Variants in LMTK2 observed in about 807,000 individuals in gnomAD.
LMTK2 encodes serine/threonine-protein kinase LMTK2.
A neutral mutation model predicts 127.5 loss-of-function variants in LMTK2; 37 were observed. That is an observed-to-expected ratio of 0.29 (90% CI 0.22 to 0.38). The LOEUF (loss-of-function observed/expected upper bound fraction) is 0.38. Among genes scored for constraint, LMTK2 ranks in the 10% least tolerant of loss-of-function variants. The probability of loss-of-function intolerance (pLI) is 1.00; values close to 1 mark genes in which losing one functional copy is unlikely to be tolerated. For synonymous variants in LMTK2, 819 were observed against 810.1 expected (o/e 1.01, Z -0.19); for missense variants, 1,694 against 1,920.3 (o/e 0.88, Z 2.20).
intron 11 of LMTK2, among the ~76,000 whole-genome samples, chr7:98,196,932 A>G (rs1468125453): frequency 6.6e-6 from 1 of 152,216 alleles, no homozygotes; most frequent in African/African-American, 2.4e-5. Flanking sequence ...CTCATGCAGC[A>G]TGCCTTGAAG....
rs1458545737 is a variant in LMTK2, at chr7:98,151,411, A to T, written c.406A>T (p.Ser136Cys). Reference protein sequence around the residue: ...EGLKSQVARHSLNYIQEIGNG... With the variant: ...EGLKSQVARHCLNYIQEIGNG... ...ATTGAAGTCTCAAGTTGCCCGCCAC[A>T]GTCTAAACTACATACAGGAAATTGG... is the stretch of plus-strand genomic sequence containing the variant. The change falls in exon 4 of 14, where the codon AGT becomes TGT. Residue 136 changes from serine (S) to cysteine (C), a missense_variant. By Grantham distance (112) the Ser-to-Cys change is moderately radical. Transcript: ENST00000297293. 6.2e-7 allele frequency: 1 copy of T among 1,613,812 alleles called. No individual in the cohort carries two copies.
At position 98,140,413 on chromosome 7, in the gene LMTK2, A is replaced by G. The variant is rs575726123; in HGVS notation, c.232-984A>G. The stretch of plus-strand genomic sequence containing the variant: ...GTGATCCACCTGCCTCAGCTTCCCA[A>G]AGTGCTGGGATTACAGGCATGAGCC... On this transcript the variant is annotated intron_variant, in intron 2 of 13. Transcript: ENST00000297293. Among the ~76,000 whole-genome samples, 16 of 151,998 alleles carry G rather than the reference A, an allele frequency of 1.1e-4. No homozygotes were observed. In the South Asian group the frequency reaches 2.9e-3, roughly 28 times the overall value.
At chr7:98,169,671 A>G (rs528883374) in intron 6 of LMTK2, among the ~76,000 whole-genome samples, 4 of 152,238 alleles carry the variant, frequency 2.6e-5, no homozygotes, top group Non-Finnish European at 4.4e-5. Context: ...TGAAACTCCC[A>G]GCTGCCTGTA....
intron 1 of LMTK2, among the ~76,000 whole-genome samples, chr7:98,132,049 G>A (rs1796527003): frequency 6.6e-6 from 1 of 152,172 alleles, no homozygotes; most frequent in African/African-American, 2.4e-5. Context: ...CTCCACCCAG[G>A]CCTGCCGGGA....
chr7:98,144,420 G>A (rs1003045839), intron 3 of LMTK2, among the ~76,000 whole-genome samples: 2 of 149,694 alleles, frequency 1.3e-5, no homozygotes, highest in African/African-American at 2.5e-5. Context: ...GGGACAAAGC[G>A]AGACTCTGTC....
chr7:98,117,921 C>G (rs545361969), intron 1 of LMTK2, among the ~76,000 whole-genome samples: 1 of 152,102 alleles, frequency 6.6e-6, no homozygotes, highest in African/African-American at 2.4e-5. Flanking sequence ...GAGCCGAGAT[C>G]GGACCACTGC....
In LMTK2 at chr7:98,153,587, A is replaced by G. The variant is rs970985589; in HGVS notation, c.451-1171A>G. Among the ~76,000 whole-genome samples, 65 of 152,296 alleles carry G rather than the reference A, an allele frequency of 4.3e-4. 1 individual carries two copies. Among genetic ancestry groups the G allele is most frequent in the African/African-American group, 1.5e-3 (63 of 41,576 alleles). On this transcript the variant is annotated intron_variant, in intron 4 of 13. Transcript: ENST00000297293. ...GAAGAGTTTTACTCCTCAAGGAGCAATAGGCTGGACGCGGTAGCTCACGCC... is the reference window on the plus strand; with the variant it reads ...GAAGAGTTTTACTCCTCAAGGAGCAGTAGGCTGGACGCGGTAGCTCACGCC...
chr7:98,171,781 A>G lies in LMTK2; in HGVS notation c.791+107A>G. The stretch of plus-strand genomic sequence containing the variant: ...AGGAGGACAGGAGGTGGCAGAATGA[A>G]CCCAGCTCATGTAGGTAGAAGCGAT... On this transcript the variant is annotated intron_variant, in intron 7 of 13. Transcript: ENST00000297293. This position sits in a 1 kb window ranked among gnomAD's most constrained non-coding sequence, Gnocchi z 5.1. 2.4e-6 allele frequency: 3 copies of G among 1,271,448 alleles called. No individual in the cohort carries two copies. Among genetic ancestry groups the G allele is most frequent in the Non-Finnish European group, 3.1e-6 (3 of 952,438 alleles). 78.8% of individuals were successfully genotyped at this position (1,271,448 alleles called of 1,614,324 possible).
chr7:98,166,231 C>T lies in LMTK2; in HGVS notation c.658-5310C>T, dbSNP rs185199790. On this transcript the variant is annotated intron_variant, in intron 6 of 13. Coordinates refer to ENST00000297293, the MANE Select transcript of LMTK2 (RefSeq NM_014916.4). Reference sequence around the variant, plus strand: ...CTCCTAGGTGCTGTCTTCTTTCTCCCCTGTTGCTGCAGTGACAGGTCATCG... The same window carrying T: ...CTCCTAGGTGCTGTCTTCTTTCTCCTCTGTTGCTGCAGTGACAGGTCATCG... 5.6e-4 allele frequency among the ~76,000 whole-genome samples: 85 copies of T among 152,316 alleles called. 1 individual carries two copies. The highest frequency in any genetic ancestry group is 2.3e-3 in the East Asian group (12 of 5,184).
intron 1 of LMTK2, among the ~76,000 whole-genome samples, chr7:98,135,507 A>G (rs1225981509): frequency 1.3e-5 from 2 of 151,800 alleles, no homozygotes. Flanking sequence ...TTTTTTGTAG[A>G]TATGGAGTCT....
At position 98,192,257 on chromosome 7, in the gene LMTK2, G is replaced by A; in HGVS notation, c.1792G>A (p.Glu598Lys). The A allele has an allele frequency of 6.6e-7, 1 of 1,526,098 alleles. No homozygotes were observed. The highest frequency in any genetic ancestry group is 8.8e-7 in the Non-Finnish European group (1 of 1,141,304). The allele number at this position is 1,526,098 out of a possible 1,614,324, so 94.5% of individuals were successfully genotyped here. Residue 598 changes from glutamate (E) to lysine (K), a missense_variant, in exon 11 of 14, where the codon GAG (glutamate) becomes AAG (lysine). Transcript: ENST00000297293. ...CACGGCGCTCAGGAGCGTTGAACTTGAGGAGTCCAGTACAGATGAGGACTT... is the reference window on the plus strand; with the variant it reads ...CACGGCGCTCAGGAGCGTTGAACTTAAGGAGTCCAGTACAGATGAGGACTT... ...QLTALRSVEL[E>K]ESSTDEDFFQ...
intron 1 of LMTK2, among the ~76,000 whole-genome samples, chr7:98,110,023 C>T (rs998043790): frequency 6.6e-6 from 1 of 152,198 alleles, no homozygotes; most frequent in East Asian, 1.9e-4. Flanking sequence ...GGAGCCTGCA[C>T]TCCTTGTGAA....
intron 1 of LMTK2, among the ~76,000 whole-genome samples, chr7:98,113,295 G>A (rs1355054360): frequency 6.6e-6 from 1 of 152,124 alleles, no homozygotes; most frequent in East Asian, 1.9e-4. Flanking sequence ...GCCATGTGAC[G>A]AAGGACATGT....
intron 6 of LMTK2, among the ~76,000 whole-genome samples, chr7:98,161,297 G>A (rs981196237): frequency 6.6e-6 from 1 of 152,100 alleles, no homozygotes; most frequent in Non-Finnish European, 1.5e-5. Flanking sequence ...ACCTAACAAA[G>A]TCTAAAATTA....
intron 2 of LMTK2, among the ~76,000 whole-genome samples, chr7:98,141,008 G>A (rs574622883): frequency 6.7e-6 from 1 of 149,834 alleles, no homozygotes; most frequent in South Asian, 2.1e-4. Context: ...AGTGAGCCAT[G>A]ATCATGCCAC....
At chr7:98,116,239 C>A (rs975744059) in intron 1 of LMTK2, among the ~76,000 whole-genome samples, 1 of 152,068 alleles carries the variant, frequency 6.6e-6, no homozygotes, top group Non-Finnish European at 1.5e-5. Context: ...TTGCAAGGAC[C>A]GTGTCTTATA....
intron 2 of LMTK2, among the ~76,000 whole-genome samples, chr7:98,137,902 A>G (rs1796617276): frequency 6.6e-6 from 1 of 152,168 alleles, no homozygotes; most frequent in Admixed American, 6.5e-5. Context: ...TAGACTGGTG[A>G]ATTTGTGGTC....
At position 98,207,609 on chromosome 7, in the gene LMTK2, T is replaced by C. The variant is rs1438338740; in HGVS notation, c.*2117T>C. The C allele has an allele frequency of 6.6e-6, 1 of 152,130 alleles. No individual in the cohort carries two copies. Among genetic ancestry groups the C allele is most frequent in the East Asian group, 1.9e-4 (1 of 5,188 alleles). The allele number at this position is 152,130 out of a possible 1,614,324, so 9.4% of individuals were successfully genotyped here. A position where few individuals can be genotyped will look rare whatever the true frequency, so the allele number is the denominator to read the frequency against. On this transcript the variant is annotated 3_prime_UTR_variant, in exon 14 of 14. Coordinates refer to ENST00000297293, the MANE Select transcript of LMTK2 (RefSeq NM_014916.4). ...GGACTTCCTGAGTTTTCTCAGTTTTTACATCTAAGATTAGTCTTGGCTGAA... is the reference window on the plus strand; with the variant it reads ...GGACTTCCTGAGTTTTCTCAGTTTTCACATCTAAGATTAGTCTTGGCTGAA...
intron 1 of LMTK2, among the ~76,000 whole-genome samples, chr7:98,115,862 A>G (rs1207949265): frequency 6.6e-6 from 1 of 152,106 alleles, no homozygotes; most frequent in Non-Finnish European, 1.5e-5. Flanking sequence ...ACCAAATACC[A>G]CTTTATATCT....
Sources: gnomAD v4.1 joint callset for allele counts (sites outside exome capture counted in the v4.1 genomes callset) on GRCh38, gnomAD v4.1.1 for gene constraint, Gnocchi (gnomAD v3.1) non-coding constraint, MANE v1.5 for transcripts, NCBI Gene and HGNC (gene_info 2026-07-23, HGNC 2026-07-21) for gene names.